CACNB2: variants seen among roughly 807,000 people sequenced by gnomAD.
The protein encoded by CACNB2 is voltage-dependent L-type calcium channel subunit beta-2.
Under a neutral mutation model 73.3 loss-of-function variants are expected in CACNB2, and 42 were observed. The observed-to-expected ratio is 0.57, with a 90% CI of 0.45 to 0.74. CACNB2 has a LOEUF of 0.74. Among genes scored for constraint, CACNB2 ranks in the 30% least tolerant of loss-of-function variants. The probability of loss-of-function intolerance (pLI) is 0.00; values close to 1 mark genes in which losing one functional copy is unlikely to be tolerated. For synonymous variants in CACNB2, 348 were observed against 310.3 expected, an observed-to-expected ratio of 1.12 and a Z score of -1.28; for missense variants, 940 against 853.0, an observed-to-expected ratio of 1.10 and a Z score of -1.27.
Position 18,222,539 on chromosome 10 carries a change from T to G in CACNB2, c.213+71564T>G, listed in dbSNP as rs191265895. On this transcript the variant is annotated intron_variant, in intron 2 of 13. Transcript: ENST00000324631. The stretch of plus-strand genomic sequence containing the variant: ...TTGCTTGTGATAATGGCTTTTGTTA[T>G]TAGGTTCTATTTAAGTAGTACCGAT... Among the ~76,000 whole-genome samples the G allele has an allele frequency of 3.3e-5, 5 of 152,320 alleles. No individual in the cohort carries two copies. In the East Asian group the frequency reaches 9.6e-4, roughly 29 times the overall value.
chr10:18,437,012 A>G (rs562498419), intron 3 of CACNB2, among the ~76,000 whole-genome samples: 16 of 152,222 alleles, frequency 1.1e-4, no homozygotes, highest in Non-Finnish European at 2.1e-4. Flanking sequence ...CATGATGTCA[A>G]TCAATCTTAT....
chr10:18,146,476 ATTTT>A (rs59522345), intron 1 of CACNB2, among the ~76,000 whole-genome samples: 3 of 146,206 alleles, frequency 2.1e-5, no homozygotes, highest in Non-Finnish European at 3.0e-5. Context: ...CGGCCAGCTA[ATTTT>A]TTTTTTTTGT....
chr10:18,316,503 A>T (rs1181073126), intron 2 of CACNB2, among the ~76,000 whole-genome samples: 6 of 146,578 alleles, frequency 4.1e-5, no homozygotes, highest in African/African-American at 1.3e-4. Flanking sequence ...TCGCACTGTC[A>T]CCCAGGCTAG....
intron 2 of CACNB2, among the ~76,000 whole-genome samples, chr10:18,327,505 A>C (rs1589050540): frequency 6.6e-6 from 1 of 151,448 alleles, no homozygotes; most frequent in Non-Finnish European, 1.5e-5. Context: ...GCTCACTGCA[A>C]CCTCCACCTG....
At chr10:18,444,765 G>A (rs562674448) in intron 3 of CACNB2, among the ~76,000 whole-genome samples, 2 of 152,310 alleles carry the variant, frequency 1.3e-5, no homozygotes, top group African/African-American at 4.8e-5. Context: ...GCCAATGCTA[G>A]CTAGCTTCCT....
At chr10:18,422,347 A>C (rs1339761942) in intron 3 of CACNB2, among the ~76,000 whole-genome samples, 1 of 152,238 alleles carries the variant, frequency 6.6e-6, no homozygotes, top group Non-Finnish European at 1.5e-5. Context: ...GGGTTGCAGA[A>C]GGGTAACCTA....
At chr10:18,277,173 C>T (rs556720722) in intron 2 of CACNB2, among the ~76,000 whole-genome samples, 3 of 152,048 alleles carry the variant, frequency 2.0e-5, no homozygotes, top group Admixed American at 6.6e-5. Flanking sequence ...TAAAGAATCC[C>T]GTGAGGAAGT....
intron 2 of CACNB2, among the ~76,000 whole-genome samples, chr10:18,157,060 C>CT (rs2032106359): frequency 7.8e-6 from 1 of 128,614 alleles, no homozygotes; most frequent in Non-Finnish European, 1.6e-5. Flanking sequence ...GAAACTTTGT[C>CT]TCAAAAAAAA....
intron 3 of CACNB2, among the ~76,000 whole-genome samples, chr10:18,484,474 TA>T (rs2048957961): frequency 1.3e-5 from 2 of 151,908 alleles, no homozygotes; most frequent in African/African-American, 4.8e-5. Flanking sequence ...GTGTAACTGA[TA>T]AGCAAAGAGA....
Position 18,140,675 on chromosome 10 carries a change from G to A in CACNB2, c.-62G>A, listed in dbSNP as rs2030282291. On this transcript the variant is annotated 5_prime_UTR_variant, in exon 1 of 14. Transcript: ENST00000324631. ...CCGATCAGAGCGCGGGGAGGCGGGGGCGAGGAGGAGGGGACCCGCCGCCGG... is the reference window on the plus strand; with the variant it reads ...CCGATCAGAGCGCGGGGAGGCGGGGACGAGGAGGAGGGGACCCGCCGCCGG... The A allele has an allele frequency of 2.1e-6, 3 of 1,428,680 alleles. No individual in the cohort carries two copies. Among genetic ancestry groups the A allele is most frequent in the East Asian group, 4.8e-5 (2 of 42,084 alleles). 88.5% of individuals were successfully genotyped at this position (1,428,680 alleles called of 1,614,324 possible).
chr10:18,172,945 G>C (rs574960564), intron 2 of CACNB2, among the ~76,000 whole-genome samples: 1 of 45,642 alleles, frequency 2.2e-5, no homozygotes, highest in East Asian at 1.1e-3. Flanking sequence ...TTTTTAAATG[G>C]AGTTTTACTC....
intron 2 of CACNB2, chr10:18,261,051 C>T (rs1378393726): frequency 7.1e-7 from 1 of 1,409,970 alleles, no homozygotes; most frequent in Admixed American, 2.8e-5. Flanking sequence ...ACGCCCCCCA[C>T]CCCCAAAAAA....
rs2054014604 is a variant in CACNB2, at chr10:18,540,522, G to C, written c.*798G>C. ...GTAAATATGTGTGATTGCTTGACTTGAAAAGGTTTGAATTCTGAATGTTAT... is the reference window on the plus strand; with the variant it reads ...GTAAATATGTGTGATTGCTTGACTTCAAAAGGTTTGAATTCTGAATGTTAT... On this transcript the variant is annotated 3_prime_UTR_variant, in exon 14 of 14. Transcript: ENST00000324631. 6.6e-6 allele frequency: 1 copy of C among 152,484 alleles called. No homozygotes were observed. Among genetic ancestry groups the C allele is most frequent in the Admixed American group, 6.6e-5 (1 of 15,260 alleles). The allele number at this position is 152,484 out of a possible 1,614,324, so 9.4% of individuals were successfully genotyped here. A position where few individuals can be genotyped will look rare whatever the true frequency, so the allele number is the denominator to read the frequency against.
At chr10:18,435,364 A>G (rs1360668465) in intron 3 of CACNB2, among the ~76,000 whole-genome samples, 1 of 152,186 alleles carries the variant, frequency 6.6e-6, no homozygotes, top group Non-Finnish European at 1.5e-5. Context: ...ATCTACATGA[A>G]CAGAAAAATT....
intron 3 of CACNB2, among the ~76,000 whole-genome samples, chr10:18,471,278 C>T (rs1435017619): frequency 1.3e-5 from 2 of 152,090 alleles, no homozygotes; most frequent in Admixed American, 1.3e-4. Context: ...AGCACTCCAG[C>T]CTGGGCAACA....
chr10:18,496,424 A>G (rs900477651), intron 3 of CACNB2, among the ~76,000 whole-genome samples: 8 of 151,972 alleles, frequency 5.3e-5, no homozygotes, highest in African/African-American at 1.7e-4. Flanking sequence ...CTCTACTCCA[A>G]CTCCCCTGTG....
At chr10:18,483,225 C>T (rs984665815) in intron 3 of CACNB2, among the ~76,000 whole-genome samples, 15 of 150,984 alleles carry the variant, frequency 9.9e-5, no homozygotes, top group African/African-American at 2.7e-4. Context: ...CAATCATTTT[C>T]GTTTAAAAAA....
chr10:18,172,152 C>G (rs1663247652), intron 2 of CACNB2, among the ~76,000 whole-genome samples: 1 of 152,106 alleles, frequency 6.6e-6, no homozygotes, highest in Admixed American at 6.6e-5. Context: ...CACTTGAGGT[C>G]AGGAGTTCGA....
intron 3 of CACNB2, among the ~76,000 whole-genome samples, chr10:18,421,397 A>C (rs1442682528): frequency 6.6e-6 from 1 of 151,600 alleles, no homozygotes; most frequent in Non-Finnish European, 1.5e-5. Context: ...TCCCAATTTC[A>C]AGTGATTCTC....
Sources: allele counts gnomAD v4.1 joint callset (sites outside exome capture counted in the v4.1 genomes callset), GRCh38; gene constraint gnomAD v4.1.1; transcripts MANE v1.5; gene names NCBI Gene and HGNC (gene_info 2026-07-23, HGNC 2026-07-21).